The following SV2C variants were observed in gnomAD, a reference collection of about 807,000 sequenced individuals.
SV2C encodes the protein synaptic vesicle glycoprotein 2C.
A neutral mutation model predicts 79.7 loss-of-function variants in SV2C; 49 were observed. The observed-to-expected ratio is 0.61, with a 90% CI of 0.49 to 0.78. SV2C has a LOEUF of 0.78. Ranked by LOEUF, SV2C falls within the 30% of genes least tolerant of loss-of-function variation. SV2C has a pLI of 0.00. For synonymous variants in SV2C, 334 were observed against 333.2 expected (o/e 1.00, Z -0.03); for missense variants, 833 against 912.9 (o/e 0.91, Z 1.13).
intron 1 of SV2C, among the ~76,000 whole-genome samples, chr5:76,098,578 A>G (rs1747638758): frequency 6.6e-6 from 1 of 152,264 alleles, no homozygotes; most frequent in East Asian, 1.9e-4. Flanking sequence ...TTTCCCAAAC[A>G]TTCATCACTC....
At chr5:75,855,050 G>A in the SV2C span, among the ~76,000 whole-genome samples, 9 of 152,014 alleles carry the variant, frequency 5.9e-5, no homozygotes, top group Admixed American at 3.3e-4. Context: ...TTTGAAATTA[G>A]GTGCCTAAGT....
At chr5:75,853,839 T>A in the SV2C span, among the ~76,000 whole-genome samples, 1 of 151,652 alleles carries the variant, frequency 6.6e-6, no homozygotes. Context: ...TGTCAGTCTT[T>A]AAAAATTTTT....
chr5:75,848,347 G>GAC, the SV2C span, among the ~76,000 whole-genome samples: 1 of 152,210 alleles, frequency 6.6e-6, no homozygotes, highest in Non-Finnish European at 1.5e-5. Context: ...CACTAGCAGA[G>GAC]ACAGGGCCTT....
chr5:76,246,975 T>G (rs571424007), intron 4 of SV2C, among the ~76,000 whole-genome samples: 23 of 152,280 alleles, frequency 1.5e-4, no homozygotes, highest in Non-Finnish European at 2.9e-5. Context: ...GAGATTCAGG[T>G]GGCATCTTTG....
chr5:76,099,991 G>A (rs1423101), intron 1 of SV2C, among the ~76,000 whole-genome samples: 27,249 of 152,142 alleles, frequency 0.18, 3,108 homozygotes, highest in South Asian at 0.34. Flanking sequence ...TGAATGTACA[G>A]CCATGTCAGC....
chr5:76,240,481 T>C (rs1745752340), intron 4 of SV2C, among the ~76,000 whole-genome samples: 1 of 152,168 alleles, frequency 6.6e-6, no homozygotes, highest in Non-Finnish European at 1.5e-5. Context: ...GGGAAGTAAC[T>C]AACTAGGAAT....
chr5:76,019,188 G>C, the SV2C span, among the ~76,000 whole-genome samples: 2 of 152,140 alleles, frequency 1.3e-5, no homozygotes, highest in Non-Finnish European at 2.9e-5. Flanking sequence ...AGCATGTATG[G>C]AGTTCTGGAA....
intron 1 of SV2C, among the ~76,000 whole-genome samples, chr5:76,128,928 A>C (rs1748793667): frequency 6.6e-6 from 1 of 152,218 alleles, no homozygotes; most frequent in African/African-American, 2.4e-5. Context: ...CTTCCCATGT[A>C]GATACAAATC....
At chr5:75,931,436 T>C in the SV2C span, among the ~76,000 whole-genome samples, 1 of 152,220 alleles carries the variant, frequency 6.6e-6, no homozygotes, top group African/African-American at 2.4e-5. Flanking sequence ...TGTTTCAAGG[T>C]GGTGATCAAT....
At chr5:76,100,983 T>C (rs79019634) in intron 1 of SV2C, among the ~76,000 whole-genome samples, 3,680 of 152,274 alleles carry the variant, frequency 0.024, 157 homozygotes, top group African/African-American at 0.084. Context: ...GAGTGCAGAA[T>C]TGCCCTCGTT....
chr5:76,203,180 T>A (rs1401847863), intron 3 of SV2C, among the ~76,000 whole-genome samples: 4 of 152,060 alleles, frequency 2.6e-5, no homozygotes, highest in Non-Finnish European at 4.4e-5. Context: ...TTGTGAAAAA[T>A]TAGCCATATG....
chr5:75,987,626 G>C, the SV2C span, among the ~76,000 whole-genome samples: 2 of 151,956 alleles, frequency 1.3e-5, no homozygotes, highest in South Asian at 2.1e-4. Flanking sequence ...AGAGCTGAAG[G>C]CATTTCAGAT....
the SV2C span, among the ~76,000 whole-genome samples, chr5:75,971,999 C>G: frequency 6.6e-6 from 1 of 152,000 alleles, no homozygotes. Flanking sequence ...TGGAACAGAA[C>G]AGAGCCCTCA....
intron 4 of SV2C, among the ~76,000 whole-genome samples, chr5:76,274,570 C>T (rs2112478716): frequency 6.6e-6 from 1 of 152,196 alleles, no homozygotes; most frequent in Non-Finnish European, 1.5e-5. Context: ...CTCATTCTTT[C>T]CCAATAGTTA....
the SV2C span, among the ~76,000 whole-genome samples, chr5:76,043,771 A>C: frequency 1.2e-4 from 19 of 152,152 alleles, no homozygotes; most frequent in Admixed American, 1.2e-3. Context: ...GTATTTGTAC[A>C]TCATTCCTTT....
the SV2C span, among the ~76,000 whole-genome samples, chr5:75,871,333 C>T: frequency 6.6e-6 from 1 of 152,000 alleles, no homozygotes; most frequent in Non-Finnish European, 1.5e-5. Context: ...AGACGTATAA[C>T]CACTGATGAT....
rs548200424 is a variant in SV2C, at chr5:76,289,354, A to G, written c.1138-1867A>G. 5.6e-4 allele frequency among the ~76,000 whole-genome samples: 85 copies of G among 152,270 alleles called. 1 individual carries two copies. In the South Asian group the frequency reaches 0.017, roughly 30 times the overall value. ...TGCACAAATCTCCTGAGCTCCACACATGCAGGTTGAAGGACTTTGTGGGCA... is the reference window on the plus strand; with the variant it reads ...TGCACAAATCTCCTGAGCTCCACACGTGCAGGTTGAAGGACTTTGTGGGCA... On this transcript the variant is annotated intron_variant, in intron 6 of 12. Coordinates refer to ENST00000502798, the MANE Select transcript of SV2C (RefSeq NM_014979.4).
intron 1 of SV2C, among the ~76,000 whole-genome samples, chr5:76,093,851 A>G (rs1747459353): frequency 6.6e-6 from 1 of 152,150 alleles, no homozygotes; most frequent in Non-Finnish European, 1.5e-5. Context: ...TTTCCCTTTG[A>G]CATCACTATT....
the SV2C span, among the ~76,000 whole-genome samples, chr5:75,964,012 C>T: frequency 6.6e-6 from 1 of 152,010 alleles, no homozygotes; most frequent in African/African-American, 2.4e-5. Context: ...ATAGCTTTTC[C>T]TTTAGGGATA....
Sources: allele counts gnomAD v4.1 joint callset (sites outside exome capture counted in the v4.1 genomes callset), GRCh38; gene constraint gnomAD v4.1.1; transcripts MANE v1.5; gene names NCBI Gene and HGNC (gene_info 2026-07-23, HGNC 2026-07-21).